ITGAV: variants seen among roughly 807,000 people sequenced by gnomAD.
ITGAV encodes the protein integrin alpha-V.
Under a neutral mutation model 143.8 loss-of-function variants are expected in ITGAV, and 76 were observed. That is an observed-to-expected ratio of 0.53 (90% CI 0.44 to 0.64). ITGAV has a LOEUF of 0.64. Among genes scored for constraint, ITGAV ranks in the 30% least tolerant of loss-of-function variants. The probability of loss-of-function intolerance (pLI) is 0.00; values close to 1 mark genes in which losing one functional copy is unlikely to be tolerated. For synonymous variants in ITGAV, 453 were observed against 446.7 expected (o/e 1.01, Z -0.18); for missense variants, 1,193 against 1,274.7 (o/e 0.94, Z 0.98).
At chr2:186,629,061 C>G (rs1026317664) in intron 4 of ITGAV, among the ~76,000 whole-genome samples, 1 of 151,978 alleles carries the variant, frequency 6.6e-6, no homozygotes, top group African/African-American at 2.4e-5. Context: ...AGCATAATAC[C>G]TGACTCAGAG....
chr2:186,628,547 T>A (rs772376523), intron 4 of ITGAV, among the ~76,000 whole-genome samples: 3 of 152,094 alleles, frequency 2.0e-5, no homozygotes, highest in Non-Finnish European at 4.4e-5. Flanking sequence ...GGAAATTAAG[T>A]AACTTGACCG....
chr2:186,590,187 G>T lies in ITGAV; in HGVS notation c.-152G>T, dbSNP rs1425392496. 8.5e-6 allele frequency: 5 copies of T among 587,142 alleles called. No individual in the cohort carries two copies. The highest frequency in any genetic ancestry group is 1.3e-5 in the Non-Finnish European group (5 of 384,742). 36.4% of individuals were successfully genotyped at this position (587,142 alleles called of 1,614,324 possible). A position where few individuals can be genotyped will look rare whatever the true frequency, so the allele number is the denominator to read the frequency against. On this transcript the variant is annotated 5_prime_UTR_variant, in exon 1 of 30. Coordinates refer to ENST00000261023, the MANE Select transcript of ITGAV (RefSeq NM_002210.5). ...GGTCGCTCCGAAGCTCAGCCCTCTTGCCTGCCCCGGAGCTGTCCCGGGCTA... is the reference window on the plus strand; with the variant it reads ...GGTCGCTCCGAAGCTCAGCCCTCTTTCCTGCCCCGGAGCTGTCCCGGGCTA...
intron 15 of ITGAV, among the ~76,000 whole-genome samples, chr2:186,653,253 A>G (rs1688492408): frequency 6.6e-6 from 1 of 152,110 alleles, no homozygotes; most frequent in Admixed American, 6.5e-5. Flanking sequence ...GCTTTACTTC[A>G]CAGTATTTAA....
chr2:186,677,103 T>G (rs1689234872), intron 29 of ITGAV, 94 bp from the exon 30 acceptor site: 1 of 1,264,670 alleles, frequency 7.9e-7, no homozygotes, highest in Non-Finnish European at 1.1e-6. Flanking sequence ...GAAATACAAT[T>G]TAAATGTTCT....
chr2:186,652,437 C>T (rs1455754541), intron 15 of ITGAV, among the ~76,000 whole-genome samples: 2 of 152,126 alleles, frequency 1.3e-5, no homozygotes, highest in Non-Finnish European at 2.9e-5. Context: ...AGCAGTCATC[C>T]TGCCTCAGCC....
At position 186,606,303 on chromosome 2, in the gene ITGAV, C is replaced by T. The variant is rs1687063370; in HGVS notation, c.316+4152C>T. On this transcript the variant is annotated intron_variant, in intron 2 of 29. Coordinates refer to ENST00000261023, the MANE Select transcript of ITGAV (RefSeq NM_002210.5). ...TATGTGGGGTTTCTGAAGGCAGCCT[C>T]CCTGGGGCTCAAACCCTGGTTCTGC... 2.6e-5 allele frequency among the ~76,000 whole-genome samples: 4 copies of T among 152,292 alleles called. No homozygotes were observed. The South Asian group carries it at 8.3e-4, about 32-fold the overall frequency.
intron 15 of ITGAV, among the ~76,000 whole-genome samples, 193 bp downstream of exon 15, chr2:186,652,282 A>T (rs918158416): frequency 2.0e-5 from 3 of 152,188 alleles, no homozygotes; most frequent in Non-Finnish European, 4.4e-5. Flanking sequence ...TGGCACAACC[A>T]TGGCTTAAGT....
At chr2:186,627,308 G>T (rs1687701419) in intron 4 of ITGAV, among the ~76,000 whole-genome samples, 1 of 152,166 alleles carries the variant, frequency 6.6e-6, no homozygotes, top group South Asian at 2.1e-4. Flanking sequence ...GTCAAATGAG[G>T]ATTTAAACCC....
chr2:186,624,757 T>C (rs1474355967), intron 3 of ITGAV, among the ~76,000 whole-genome samples: 1 of 152,200 alleles, frequency 6.6e-6, no homozygotes, highest in Non-Finnish European at 1.5e-5. Flanking sequence ...GGTCATGGTT[T>C]ATTTGGAAAG....
intron 26 of ITGAV, among the ~76,000 whole-genome samples, chr2:186,671,856 T>C (rs143057637): frequency 5.9e-5 from 9 of 152,142 alleles, no homozygotes; most frequent in African/African-American, 9.6e-5. Context: ...TTCATACATA[T>C]AGTATCATAC....
chr2:186,670,645 A>G (rs969304045), intron 26 of ITGAV, among the ~76,000 whole-genome samples: 3 of 152,068 alleles, frequency 2.0e-5, no homozygotes, highest in Admixed American at 1.3e-4. Context: ...TACATCACCA[A>G]ATTCTGTGGT....
At chr2:186,638,232 G>T (rs754155165) in intron 8 of ITGAV, 45 bp from the exon 9 acceptor site, 3 of 1,574,052 alleles carry the variant, frequency 1.9e-6, no homozygotes, top group Non-Finnish European at 2.6e-6. Context: ...GCAACTTCCA[G>T]TGTTGTCCTA....
At chr2:186,653,306 A>G (rs1417778545) in intron 15 of ITGAV, among the ~76,000 whole-genome samples, 2 of 152,128 alleles carry the variant, frequency 1.3e-5, no homozygotes, top group East Asian at 3.8e-4. Context: ...ACATATCAAT[A>G]TAAATATAAA....
intron 4 of ITGAV, among the ~76,000 whole-genome samples, chr2:186,629,355 A>C: frequency 6.6e-6 from 1 of 152,024 alleles, no homozygotes; most frequent in East Asian, 1.9e-4. Flanking sequence ...TATGATAATC[A>C]AAAAAAGGAT....
At chr2:186,607,347 A>C (rs1026979333) in intron 2 of ITGAV, among the ~76,000 whole-genome samples, 1 of 152,098 alleles carries the variant, frequency 6.6e-6, no homozygotes, top group Non-Finnish European at 1.5e-5. Context: ...CATTATTCAC[A>C]TTTTTTTAAA....
At chr2:186,668,188 A>ATATG (rs1553505655) in intron 24 of ITGAV, among the ~76,000 whole-genome samples, 686 of 14,034 alleles carry the variant, frequency 0.049, 48 homozygotes, top group South Asian at 0.12. Context: ...ATACATACAT[A>ATATG]TATATATATA....
At chr2:186,609,210 C>G (rs1295964389) in intron 2 of ITGAV, among the ~76,000 whole-genome samples, 3 of 152,022 alleles carry the variant, frequency 2.0e-5, no homozygotes, top group Non-Finnish European at 4.4e-5. Flanking sequence ...TGCAAATAAC[C>G]CTTTTTATCT....
chr2:186,599,422 A>G lies in ITGAV; in HGVS notation c.186-2599A>G, dbSNP rs374605757. 5.3e-5 allele frequency among the ~76,000 whole-genome samples: 8 copies of G among 152,330 alleles called. No individual in the cohort carries two copies. The East Asian group carries it at 1.3e-3, about 26-fold the overall frequency. ...AGGCAGGGCTTCAGACTACAACTGGATGACTCACAGATATCTCAAACAAAC... is the reference window on the plus strand; with the variant it reads ...AGGCAGGGCTTCAGACTACAACTGGGTGACTCACAGATATCTCAAACAAAC... On this transcript the variant is annotated intron_variant, in intron 1 of 29. Coordinates refer to ENST00000261023, the MANE Select transcript of ITGAV (RefSeq NM_002210.5).
At chr2:186,641,312 TG>T in intron 11 of ITGAV, 73 bp from the exon 12 acceptor site, 1 of 1,137,676 alleles carries the variant, frequency 8.8e-7, no homozygotes, top group Non-Finnish European at 1.3e-6. Context: ...AAAAGTGAGT[TG>T]TAGTAAGAAA....
Sources: allele counts gnomAD v4.1 joint callset (sites outside exome capture counted in the v4.1 genomes callset), GRCh38; gene constraint gnomAD v4.1.1; transcripts MANE v1.5; gene names NCBI Gene and HGNC (gene_info 2026-07-23, HGNC 2026-07-21).